The following AGMO variants were observed in gnomAD, a reference collection of about 807,000 sequenced individuals.
AGMO encodes alkylglycerol monooxygenase.
AGMO carries 75 observed loss-of-function variants against 60.2 expected under a neutral mutation model. The ratio of observed to expected loss-of-function variants is 1.25; its 90% CI spans 1.03 to 1.51. AGMO has a LOEUF of 1.51. Ranked by LOEUF, AGMO falls within the 40% of genes most tolerant of loss-of-function variation. AGMO has a pLI of 0.00. For missense variants in AGMO, 763 were observed against 525.5 expected (o/e 1.45, Z -4.42); for synonymous variants, 261 against 177.1 (o/e 1.47, Z -3.76).
At chr7:15,327,103 T>G (rs949645466) in intron 12 of AGMO, among the ~76,000 whole-genome samples, 20 of 152,188 alleles carry the variant, frequency 1.3e-4, no homozygotes, top group Admixed American at 1.2e-3. Flanking sequence ...CTTTGTGCAA[T>G]GAGTGACCCT....
intron 12 of AGMO, among the ~76,000 whole-genome samples, chr7:15,218,548 T>TAAA (rs56896486): frequency 8.9e-4 from 135 of 151,712 alleles, no homozygotes; most frequent in Middle Eastern, 3.4e-3. Context: ...TCATTTCCTT[T>TAAA]AAAAAAAATC....
intron 10 of AGMO, among the ~76,000 whole-genome samples, chr7:15,382,455 T>C (rs969955442): frequency 2.6e-5 from 4 of 152,134 alleles, no homozygotes; most frequent in Non-Finnish European, 5.9e-5. Context: ...ATGGGTTTAG[T>C]GTGGGCATGT....
chr7:15,248,214 A>ATATATATATATATATG (rs1402723880), intron 12 of AGMO, among the ~76,000 whole-genome samples: 1,070 of 71,116 alleles, frequency 0.015, 121 homozygotes, highest in Non-Finnish European at 0.026. Flanking sequence ...ATATATATAT[A>ATATATATATATATATG]TATATATATA....
At chr7:15,339,518 G>C (rs911799759) in intron 12 of AGMO, among the ~76,000 whole-genome samples, 2 of 152,156 alleles carry the variant, frequency 1.3e-5, no homozygotes, top group Admixed American at 1.3e-4. Flanking sequence ...AGAAGAGTCT[G>C]CTCCAAACTT....
At chr7:15,165,424 G>A in the AGMO span, among the ~76,000 whole-genome samples, 1 of 152,154 alleles carries the variant, frequency 6.6e-6, no homozygotes, top group Admixed American at 6.6e-5. Flanking sequence ...ACAAGAGTCT[G>A]AAGGGTAATT....
At chr7:15,391,489 A>C (rs962023086) in intron 6 of AGMO, among the ~76,000 whole-genome samples, 1 of 152,174 alleles carries the variant, frequency 6.6e-6, no homozygotes, top group Non-Finnish European at 1.5e-5. Context: ...GTCATTATTT[A>C]TTTAATACAT....
At chr7:15,207,047 A>C (rs1289895183) in intron 12 of AGMO, among the ~76,000 whole-genome samples, 2 of 152,294 alleles carry the variant, frequency 1.3e-5, no homozygotes, top group East Asian at 3.9e-4. Flanking sequence ...GAAAGTGTGC[A>C]TCCTTTTGGA....
chr7:15,270,500 T>A (rs1783565477), intron 12 of AGMO, among the ~76,000 whole-genome samples: 1 of 151,788 alleles, frequency 6.6e-6, no homozygotes, highest in African/African-American at 2.4e-5. Context: ...CTTGTTTGAG[T>A]TCCTCACATA....
chr7:15,300,299 T>C (rs1307864753), intron 12 of AGMO, among the ~76,000 whole-genome samples: 2 of 152,130 alleles, frequency 1.3e-5, no homozygotes, highest in African/African-American at 2.4e-5. Context: ...ATAGCAAAAC[T>C]GGTTAGTGTC....
At chr7:15,185,635 G>T in the AGMO span, among the ~76,000 whole-genome samples, 14 of 151,826 alleles carry the variant, frequency 9.2e-5, no homozygotes, top group Non-Finnish European at 1.5e-4. Flanking sequence ...CAACCAGAAG[G>T]AGAGAAGGCA....
intron 12 of AGMO, among the ~76,000 whole-genome samples, chr7:15,267,222 A>G (rs1783458404): frequency 1.3e-5 from 2 of 151,442 alleles, no homozygotes; most frequent in South Asian, 2.1e-4. Flanking sequence ...TCTTGCTTTA[A>G]AAGTATTTCC....
chr7:15,394,083 G>A (rs1193542852), intron 6 of AGMO, 30 bp downstream of exon 6: 9 of 1,528,884 alleles, frequency 5.9e-6, no homozygotes, highest in Non-Finnish European at 8.1e-6. Flanking sequence ...GAGAAATGAA[G>A]AAAAGAGAGA....
At chr7:15,145,507 G>A in the AGMO span, among the ~76,000 whole-genome samples, 1 of 152,132 alleles carries the variant, frequency 6.6e-6, no homozygotes, top group South Asian at 2.1e-4. Flanking sequence ...GTAAATAACA[G>A]AATAGAAATA....
At chr7:15,264,270 T>C (rs1353151518) in intron 12 of AGMO, among the ~76,000 whole-genome samples, 2 of 151,908 alleles carry the variant, frequency 1.3e-5, no homozygotes, top group South Asian at 2.1e-4. Context: ...CCTTCAATCA[T>C]ACATCATAAC....
chr7:15,535,743 A>C (rs1201821478), intron 3 of AGMO, among the ~76,000 whole-genome samples: 1 of 151,924 alleles, frequency 6.6e-6, no homozygotes, highest in African/African-American at 2.4e-5. Context: ...TCACATCATA[A>C]AAAATTGGAT....
At chr7:15,297,778 G>C (rs1784446380) in intron 12 of AGMO, among the ~76,000 whole-genome samples, 1 of 152,114 alleles carries the variant, frequency 6.6e-6, no homozygotes, top group Non-Finnish European at 1.5e-5. Context: ...TATGGAAAGA[G>C]AATTATATGC....
chr7:15,485,125 C>T lies in AGMO; in HGVS notation c.410-54017G>A, dbSNP rs371037043. Among the ~76,000 whole-genome samples, 39 of 139,058 alleles carry T rather than the reference C, an allele frequency of 2.8e-4. 1 individual carries two copies. The East Asian group carries it at 7.7e-3, about 28-fold the overall frequency. 91.2% of individuals were successfully genotyped at this position (139,058 alleles called of 152,430 possible). A position where few individuals can be genotyped will look rare whatever the true frequency, so the allele number is the denominator to read the frequency against. ...CAGCCTGGCCAACATGGCAAAACCC[C>T]GTCTCTACTAAAAATACAAAAAAAA... On this transcript the variant is annotated intron_variant, in intron 3 of 12. Coordinates refer to ENST00000342526, the MANE Select transcript of AGMO (RefSeq NM_001004320.2).
chr7:15,252,284 A>G (rs750238341), intron 12 of AGMO, among the ~76,000 whole-genome samples: 4 of 152,216 alleles, frequency 2.6e-5, no homozygotes, highest in Non-Finnish European at 5.9e-5. Flanking sequence ...GTCAAGTGTG[A>G]TGGGAAAATT....
At chr7:15,350,575 G>T (rs77636053) in intron 12 of AGMO, among the ~76,000 whole-genome samples, 1 of 152,104 alleles carries the variant, frequency 6.6e-6, no homozygotes, top group African/African-American at 2.4e-5. Flanking sequence ...AGAGAGAGTA[G>T]ATTTCTGTTT....
Sources: gnomAD v4.1 joint callset for allele counts (sites outside exome capture counted in the v4.1 genomes callset) on GRCh38, gnomAD v4.1.1 for gene constraint, MANE v1.5 for transcripts, NCBI Gene and HGNC (gene_info 2026-07-23, HGNC 2026-07-21) for gene names.